Variants in REV1 observed in about 807,000 individuals in gnomAD.
The protein encoded by REV1 is translesion synthesis protein REV1.
A neutral mutation model predicts 137.4 loss-of-function variants in REV1; 42 were observed. That is an observed-to-expected ratio of 0.31 (90% CI 0.24 to 0.40). The LOEUF (loss-of-function observed/expected upper bound fraction) is 0.40. Among genes scored for constraint, REV1 ranks in the 10% least tolerant of loss-of-function variants. REV1 has a pLI of 1.00. For missense variants in REV1, 1,282 were observed against 1,490.1 expected, an observed-to-expected ratio of 0.86 and a Z score of 2.30; for synonymous variants, 524 against 519.2, an observed-to-expected ratio of 1.01 and a Z score of -0.12.
chr2:99,417,151 G>GT (rs1270551292), intron 12 of REV1, among the ~76,000 whole-genome samples: 7 of 151,906 alleles, frequency 4.6e-5, no homozygotes, highest in South Asian at 2.1e-4. Context: ...TTTTTGTTTT[G>GT]TTTTTTTCAA....
intron 3 of REV1, among the ~76,000 whole-genome samples, chr2:99,455,430 A>G (rs1266292761): frequency 2.6e-5 from 4 of 152,188 alleles, no homozygotes; most frequent in Non-Finnish European, 5.9e-5. Flanking sequence ...CAGAGTCACC[A>G]CAATCAACTA....
At chr2:99,485,266 A>C (rs952640125) in intron 1 of REV1, among the ~76,000 whole-genome samples, 1 of 152,370 alleles carries the variant, frequency 6.6e-6, no homozygotes, top group African/African-American at 2.4e-5. Flanking sequence ...AATATCTATT[A>C]TTACAAAGTC....
intron 4 of REV1, among the ~76,000 whole-genome samples, chr2:99,444,319 C>T (rs1038364033): frequency 6.6e-6 from 1 of 152,200 alleles, no homozygotes; most frequent in Non-Finnish European, 1.5e-5. Context: ...GAAACTACAC[C>T]CACTGTGCCA....
At chr2:99,466,895 C>T (rs1162310931) in intron 1 of REV1, among the ~76,000 whole-genome samples, 2 of 152,148 alleles carry the variant, frequency 1.3e-5, no homozygotes, top group Non-Finnish European at 2.9e-5. Context: ...TCAAGAGGCT[C>T]ATTTTGTCCA....
intron 1 of REV1, among the ~76,000 whole-genome samples, chr2:99,477,670 C>A (rs1686136841): frequency 6.6e-6 from 1 of 152,054 alleles, no homozygotes; most frequent in Non-Finnish European, 1.5e-5. Context: ...ATATATTAAA[C>A]CTGAAAATGT....
chr2:99,403,908 C>A, intron 18 of REV1, 93 bp from the exon 19 acceptor site: 1 of 1,460,350 alleles, frequency 6.8e-7, no homozygotes, highest in South Asian at 1.2e-5. Flanking sequence ...GTTTTCAAAT[C>A]TCACTTTTCT....
intron 4 of REV1, among the ~76,000 whole-genome samples, chr2:99,446,688 T>C (rs1268587010): frequency 6.6e-6 from 1 of 152,082 alleles, no homozygotes; most frequent in Non-Finnish European, 1.5e-5. Context: ...AGAGACAGGC[T>C]TTCACCATAT....
Position 99,412,862 on chromosome 2 carries a change from T to C in REV1, c.2041A>G (p.Lys681Glu). Residue 681 changes from lysine (K) to glutamate (E), a missense_variant, in exon 13 of 23, where the codon AAA becomes GAA. Physicochemically the swap from Lys to Glu is moderately conservative, Grantham distance 56 (BLOSUM62 1). Around this residue, in one of 7 missense-constraint regions of REV1, gnomAD observed 372 missense variants for 482.3 expected, o/e 0.77. Coordinates refer to ENST00000258428, the MANE Select transcript of REV1 (RefSeq NM_016316.4). ...TGACCTGTTTTGGGACCAAATTCTT[T>C]TTGGAGTTTTGCCATGGTCATATAC... ...LQYMTMAKLQ[K>E]EFGPKTGQML... 6.2e-7 allele frequency: 1 copy of C among 1,614,184 alleles called. No homozygotes were observed. The highest frequency in any genetic ancestry group is 8.5e-7 in the Non-Finnish European group (1 of 1,180,004).
chr2:99,435,403 T>C (rs1680615317), intron 7 of REV1: 1 of 153,018 alleles, frequency 6.5e-6, no homozygotes, highest in African/African-American at 2.4e-5. Flanking sequence ...TATTCAATAA[T>C]GCAAAACTAT....
intron 8 of REV1, among the ~76,000 whole-genome samples, chr2:99,430,427 A>G (rs1559334175): frequency 6.6e-6 from 1 of 152,250 alleles, no homozygotes; most frequent in Non-Finnish European, 1.5e-5. Flanking sequence ...GGGTACAACA[A>G]ACATGAAATT....
rs571039597 is a variant in REV1, at chr2:99,410,871, T to C, written c.2173-4A>G. 7.9e-5 allele frequency: 125 copies of C among 1,578,228 alleles called. No homozygotes were observed. Among genetic ancestry groups the C allele is most frequent in the Non-Finnish European group, 1.0e-4 (117 of 1,170,562 alleles). The stretch of plus-strand genomic sequence containing the variant: ...GAAAAGCTTCTGCCTCTTTTGGCTA[T>C]GGAAAGACAAACGTGGAGAAACTAC... On this transcript the variant is annotated splice_region_variant and splice_polypyrimidine_tract_variant and intron_variant, in intron 13 of 22. Coordinates refer to ENST00000258428, the MANE Select transcript of REV1 (RefSeq NM_016316.4).
chr2:99,450,650 G>A (rs1682819184), intron 3 of REV1, among the ~76,000 whole-genome samples: 1 of 152,076 alleles, frequency 6.6e-6, no homozygotes, highest in Non-Finnish European at 1.5e-5. Flanking sequence ...AAAATATTAT[G>A]CAAGCCACAT....
At chr2:99,401,375 T>C in intron 22 of REV1, 23 bp from the exon 23 acceptor site, 1 of 1,521,670 alleles carries the variant, frequency 6.6e-7, no homozygotes, top group South Asian at 1.1e-5. Context: ...AGAGAAGAAA[T>C]GTCATTAGGA....
chr2:99,452,617 T>A (rs1357746154), intron 3 of REV1, among the ~76,000 whole-genome samples: 1 of 152,144 alleles, frequency 6.6e-6, no homozygotes, highest in African/African-American at 2.4e-5. Context: ...TACTGTCAGA[T>A]TCCCCCCTGG....
intron 16 of REV1, 44 bp downstream of exon 16, chr2:99,406,281 A>T: frequency 1.3e-6 from 2 of 1,559,046 alleles, no homozygotes; most frequent in Non-Finnish European, 1.7e-6. Flanking sequence ...CTTTCCAAGG[A>T]CATAAGCAGC....
At chr2:99,437,144 T>TA (rs1680868575) in intron 6 of REV1, among the ~76,000 whole-genome samples, 1 of 151,804 alleles carries the variant, frequency 6.6e-6, no homozygotes, top group African/African-American at 2.4e-5. Flanking sequence ...CACGCCCAGC[T>TA]AATTTTTTTT....
intron 1 of REV1, among the ~76,000 whole-genome samples, chr2:99,486,460 T>C (rs889178216): frequency 6.6e-6 from 1 of 150,674 alleles, no homozygotes; most frequent in African/African-American, 2.4e-5. Context: ...ACCCAGGAGG[T>C]GGAGCTTGCA....
In REV1 at chr2:99,439,259, G is replaced by A; in HGVS notation, c.555C>T (p.Gly185=). The A allele has an allele frequency of 6.2e-7, 1 of 1,613,976 alleles. No homozygotes were observed. Among genetic ancestry groups the A allele is most frequent in the East Asian group, 2.2e-5 (1 of 44,886 alleles). ...CATCTTCTTCATTCCAACTGTTCAT[G>A]CCATTGACTTTGACTTCATTTTCCG... ...IETENEVKVN[G]MNSWNEEDEN... Residue 185 remains glycine (G), a synonymous_variant, in exon 6 of 23, where the codon GGC becomes GGT. Coordinates refer to ENST00000258428, the MANE Select transcript of REV1 (RefSeq NM_016316.4).
chr2:99,467,565 T>G (rs1415670792), intron 1 of REV1, among the ~76,000 whole-genome samples: 3 of 151,968 alleles, frequency 2.0e-5, no homozygotes, highest in Non-Finnish European at 4.4e-5. Flanking sequence ...CCTAGAAGAG[T>G]GGCTGGGAGA....
Sources: allele counts gnomAD v4.1 joint callset (sites outside exome capture counted in the v4.1 genomes callset), GRCh38; gene constraint gnomAD v4.1.1; regional missense constraint gnomAD v4.1.1; transcripts MANE v1.5; gene names NCBI Gene and HGNC (gene_info 2026-07-23, HGNC 2026-07-21).